PRKACB: variants seen among roughly 807,000 people sequenced by gnomAD.
The protein encoded by PRKACB is cAMP-dependent protein kinase catalytic subunit beta.
PRKACB carries 16 observed loss-of-function variants against 51.4 expected under a neutral mutation model. The observed-to-expected ratio is 0.31, with a 90% CI of 0.21 to 0.47. The LOEUF is 0.47. Among genes scored for constraint, PRKACB ranks in the 20% least tolerant of loss-of-function variants. PRKACB has a pLI of 1.00. For missense variants in PRKACB, 309 were observed against 464.5 expected (o/e 0.67, Z 3.08); for synonymous variants, 147 against 154.4 (o/e 0.95, Z 0.35).
intron 1 of PRKACB, among the ~76,000 whole-genome samples, chr1:84,101,433 T>C (rs532837701): frequency 1.1e-4 from 17 of 152,312 alleles, no homozygotes; most frequent in African/African-American, 3.8e-4. Context: ...CCTAGCCAAG[T>C]TGACACATAA....
intron 8 of PRKACB, among the ~76,000 whole-genome samples, chr1:84,203,273 G>T (rs1190210018): frequency 2.6e-5 from 4 of 151,912 alleles, no homozygotes; most frequent in South Asian, 4.1e-4. Flanking sequence ...TTATAGAATT[G>T]ATTTTAACAG....
chr1:84,153,887 A>G (rs756755732), intron 1 of PRKACB, among the ~76,000 whole-genome samples: 11 of 152,160 alleles, frequency 7.2e-5, no homozygotes, highest in Middle Eastern at 3.2e-3. Context: ...TTCTTTTGAT[A>G]CATACTTAGA....
chr1:84,202,162 T>C (rs1272418072), intron 7 of PRKACB, among the ~76,000 whole-genome samples: 1 of 152,092 alleles, frequency 6.6e-6, no homozygotes, highest in Non-Finnish European at 1.5e-5. Flanking sequence ...ATGAAGCAGA[T>C]GGGATTATCC....
intron 1 of PRKACB, among the ~76,000 whole-genome samples, chr1:84,165,514 A>C (rs998813150): frequency 6.6e-6 from 1 of 151,826 alleles, no homozygotes; most frequent in Non-Finnish European, 1.5e-5. Flanking sequence ...TTGAGAAATA[A>C]GGATTTAATG....
intron 6 of PRKACB, among the ~76,000 whole-genome samples, chr1:84,196,965 T>G (rs1668396067): frequency 6.6e-6 from 1 of 152,196 alleles, no homozygotes. Context: ...GAGTATAGCC[T>G]CTTGCATAAG....
At chr1:84,119,987 T>A (rs1337931274) in intron 1 of PRKACB, among the ~76,000 whole-genome samples, 2 of 152,038 alleles carry the variant, frequency 1.3e-5, no homozygotes, top group Non-Finnish European at 2.9e-5. Flanking sequence ...GTACCCCACC[T>A]CCATCTATAA....
intron 9 of PRKACB, 103 bp downstream of exon 9, chr1:84,214,420 C>T (rs1672579441): frequency 8.9e-7 from 1 of 1,119,728 alleles, no homozygotes; most frequent in Admixed American, 3.0e-5. Flanking sequence ...ATTTTTTTAC[C>T]TTTTGAATTA....
At chr1:84,205,021 A>G (rs2101487855) in intron 8 of PRKACB, 1 of 983,596 alleles carries the variant, frequency 1.0e-6, no homozygotes, top group African/African-American at 1.7e-5. Flanking sequence ...CCTTAGAAGA[A>G]TGACACCAGA....
At chr1:84,198,067 T>C (rs1246153898) in intron 7 of PRKACB, among the ~76,000 whole-genome samples, 2 of 152,106 alleles carry the variant, frequency 1.3e-5, no homozygotes, top group Non-Finnish European at 2.9e-5. Flanking sequence ...GACCTCTAGA[T>C]CCATGTTTTG....
chr1:84,162,190 CA>C (rs1309540000), intron 1 of PRKACB, among the ~76,000 whole-genome samples: 3 of 151,926 alleles, frequency 2.0e-5, no homozygotes, highest in Non-Finnish European at 4.4e-5. Context: ...GGACGTGATT[CA>C]TCATTTTTCT....
intron 9 of PRKACB, among the ~76,000 whole-genome samples, chr1:84,226,276 T>G (rs1337345416): frequency 1.3e-4 from 20 of 150,702 alleles, no homozygotes; most frequent in Admixed American, 9.9e-4. Context: ...GGTTTTTTGT[T>G]TTTTTTTTTG....
chr1:84,094,575 T>C (rs1415710997), intron 1 of PRKACB, among the ~76,000 whole-genome samples: 3 of 151,950 alleles, frequency 2.0e-5, no homozygotes, highest in Non-Finnish European at 4.4e-5. Context: ...TTGGAATGAT[T>C]TCAGTTCTTT....
chr1:84,126,486 C>T (rs6699600), intron 1 of PRKACB, among the ~76,000 whole-genome samples: 6 of 151,924 alleles, frequency 3.9e-5, no homozygotes, highest in Non-Finnish European at 8.8e-5. Context: ...TCTGCTGCCT[C>T]TCTTCTCTCC....
intron 1 of PRKACB, among the ~76,000 whole-genome samples, chr1:84,156,452 G>A (rs913951769): frequency 2.0e-5 from 3 of 152,116 alleles, no homozygotes; most frequent in Non-Finnish European, 2.9e-5. Flanking sequence ...TCACTCTTCA[G>A]TATTATGTTC....
At chr1:84,220,253 A>C (rs905216597) in intron 9 of PRKACB, among the ~76,000 whole-genome samples, 1 of 151,758 alleles carries the variant, frequency 6.6e-6, no homozygotes, top group Non-Finnish European at 1.5e-5. Context: ...TTTCTTTCTT[A>C]GCTTGATCAT....
rs1003495574 is a variant in PRKACB at position 84,159,905 on chromosome 1, C to A, written c.187+15357C>A. On this transcript the variant is annotated intron_variant, in intron 1 of 9. Coordinates refer to ENST00000370685, the MANE Select transcript of PRKACB (RefSeq NM_182948.4). Reference sequence around the variant, plus strand: ...TAATTGATTTTCAATGTTGAACCAACCTTACCTTTCATGGAATAAATCCCA... The same window carrying A: ...TAATTGATTTTCAATGTTGAACCAAACTTACCTTTCATGGAATAAATCCCA... 1.2e-4 allele frequency among the ~76,000 whole-genome samples: 18 copies of A among 152,092 alleles called. 1 individual carries two copies. The highest frequency in any genetic ancestry group is 3.2e-3 in the Middle Eastern group (1 of 316).
At chr1:84,171,373 A>G (rs549568433) in intron 1 of PRKACB, among the ~76,000 whole-genome samples, 1 of 151,728 alleles carries the variant, frequency 6.6e-6, no homozygotes, top group Admixed American at 6.6e-5. Context: ...AAAATATTTT[A>G]AAGTACTAAA....
intron 1 of PRKACB, among the ~76,000 whole-genome samples, chr1:84,161,309 G>C (rs756507895): frequency 6.6e-6 from 1 of 151,758 alleles, no homozygotes; most frequent in Non-Finnish European, 1.5e-5. Flanking sequence ...CTGTTTGCAT[G>C]ATGAATCTTG....
chr1:84,094,243 G>A (rs1161292015), intron 1 of PRKACB, among the ~76,000 whole-genome samples: 1 of 151,926 alleles, frequency 6.6e-6, no homozygotes, highest in Non-Finnish European at 1.5e-5. Context: ...TCTGTTTAAG[G>A]AAGGTTTCTT....
Sources: gnomAD v4.1 joint callset for allele counts (sites outside exome capture counted in the v4.1 genomes callset) on GRCh38, gnomAD v4.1.1 for gene constraint, MANE v1.5 for transcripts, NCBI Gene and HGNC (gene_info 2026-07-23, HGNC 2026-07-21) for gene names.